Variants in ZNF462 observed in about 807,000 individuals in gnomAD.
The protein encoded by ZNF462 is zinc finger protein 462, also known as zinc finger PBX1-interacting protein.
In ZNF462, 10 loss-of-function variants were observed where a neutral mutation model predicts 201.9. That is an observed-to-expected ratio of 0.05 (90% CI 0.03 to 0.08). The LOEUF (loss-of-function observed/expected upper bound fraction) is 0.08. Ranked by LOEUF, ZNF462 falls within the 10% of genes least tolerant of loss-of-function variation. The pLI, the probability that ZNF462 is intolerant of heterozygous loss-of-function variation, is 1.00. For synonymous variants in ZNF462, 1,227 were observed against 1,193.3 expected, an observed-to-expected ratio of 1.03 and a Z score of -0.58; for missense variants, 2,523 against 3,168.3, an observed-to-expected ratio of 0.80 and a Z score of 4.89.
At chr9:106,939,223 A>G in intron 7 of ZNF462, 116 bp downstream of exon 7, 1 of 1,132,432 alleles carries the variant, frequency 8.8e-7, no homozygotes, top group Non-Finnish European at 1.2e-6. Context: ...GGTTCAAGTG[A>G]AGGAAGAAAT....
At chr9:106,909,550 T>A (rs1340849113) in intron 1 of ZNF462, among the ~76,000 whole-genome samples, 1 of 152,218 alleles carries the variant, frequency 6.6e-6, no homozygotes, top group African/African-American at 2.4e-5. Flanking sequence ...TGCTGCATTC[T>A]CTGACTATGC....
Position 106,929,149 on chromosome 9 carries a change from C to T in ZNF462, c.5237C>T (p.Pro1746Leu), listed in dbSNP as rs1341622137. Reference sequence around the variant, plus strand: ...GACAAGCCCAACAAAGTGATCATCCCATCCCCGCCCAAGGACGACTCCCCT... The same window carrying T: ...GACAAGCCCAACAAAGTGATCATCCTATCCCCGCCCAAGGACGACTCCCCT... ...ISDKPNKVII[P>L]SPPKDDSPQL... The change falls in exon 3 of 13, where the codon CCA becomes CTA. Residue 1746 changes from proline to leucine, a missense_variant. By Grantham distance (98) the Pro-to-Leu change is moderately conservative. Around this residue, in one of 15 missense-constraint regions of ZNF462, gnomAD observed 207 missense variants for 231.6 expected, o/e 0.89. Transcript: ENST00000277225. This position sits in a 1 kb window ranked among gnomAD's most constrained non-coding sequence, Gnocchi z 8.7. 1 of 1,614,032 alleles carries T rather than the reference C, an allele frequency of 6.2e-7. No individual in the cohort carries two copies. The highest frequency in any genetic ancestry group is 8.5e-7 in the Non-Finnish European group (1 of 1,180,036).
At chr9:106,998,470 A>G (rs1828912257) in intron 10 of ZNF462, among the ~76,000 whole-genome samples, 1 of 152,194 alleles carries the variant, frequency 6.6e-6, no homozygotes. Flanking sequence ...ATGGAAATAC[A>G]TGCTAAGACC....
chr9:107,008,644 C>T lies in ZNF462; in HGVS notation c.7190-901C>T, dbSNP rs1829730203. 1.3e-5 allele frequency among the ~76,000 whole-genome samples: 2 copies of T among 152,164 alleles called. No homozygotes were observed. The highest frequency in any genetic ancestry group is 1.5e-5 in the Non-Finnish European group (1 of 68,024). ...ATGAAACACATATGGGCTAGGAACTCGGGCTAACACAATGGCCATATAATC... is the reference window on the plus strand; with the variant it reads ...ATGAAACACATATGGGCTAGGAACTTGGGCTAACACAATGGCCATATAATC... On this transcript the variant is annotated intron_variant, in intron 11 of 12. Transcript: ENST00000277225. The surrounding 1 kb of genome is among the most constrained non-coding windows in gnomAD (Gnocchi z 4.8).
Position 106,927,359 on chromosome 9 carries a change from G to T in ZNF462, c.3447G>T (p.Gln1149His). The T allele has an allele frequency of 6.2e-7, 1 of 1,614,058 alleles. No individual in the cohort carries two copies. Reference protein sequence around the residue: ...EIKVTAKYIRQAPPTAAMMRG... With the variant: ...EIKVTAKYIRHAPPTAAMMRG... ...AGGTTACTGCCAAATATATCAGACA[G>T]GCTCCTCCCACAGCTGCAATGATGA... Residue 1149 changes from glutamine to histidine, a missense_variant, in exon 3 of 13, where the codon CAG (glutamine) becomes CAT (histidine). Around this residue, in one of 15 missense-constraint regions of ZNF462, gnomAD observed 222 missense variants for 271.6 expected, o/e 0.82. Coordinates refer to ENST00000277225, the MANE Select transcript of ZNF462 (RefSeq NM_021224.6).
At chr9:106,918,412 G>C (rs1250470410) in intron 1 of ZNF462, among the ~76,000 whole-genome samples, 4 of 152,094 alleles carry the variant, frequency 2.6e-5, no homozygotes, top group Admixed American at 2.6e-4. Context: ...ATTTGCATTT[G>C]TAGATTTGAT....
intron 1 of ZNF462, among the ~76,000 whole-genome samples, chr9:106,889,869 A>G (rs771364223): frequency 6.6e-6 from 1 of 151,772 alleles, no homozygotes; most frequent in Non-Finnish European, 1.5e-5. Context: ...CTGACGATCA[A>G]CTCCCCCAAA....
chr9:106,971,274 G>A (rs562577285), intron 7 of ZNF462, among the ~76,000 whole-genome samples: 14 of 150,724 alleles, frequency 9.3e-5, no homozygotes, highest in East Asian at 3.9e-4. Flanking sequence ...TTCCTTTCTC[G>A]TGTAGACGCC....
intron 10 of ZNF462, among the ~76,000 whole-genome samples, chr9:107,002,888 G>C (rs1184122236): frequency 2.0e-5 from 3 of 152,206 alleles, no homozygotes; most frequent in Non-Finnish European, 4.4e-5. Flanking sequence ...CGGCATGCTT[G>C]CAGAACTTCT....
At chr9:106,863,085 AGAGAGT>A (rs1483720439), upstream of ZNF462, 236 of 390,794 alleles carry the variant, frequency 6.0e-4, no homozygotes, top group South Asian at 1.3e-4. Context: ...GAGGGGAGAG[AGAGAGT>A]GAGAGGGAGA....
chr9:106,996,280 G>C (rs1233358480), intron 10 of ZNF462, among the ~76,000 whole-genome samples: 1 of 152,194 alleles, frequency 6.6e-6, no homozygotes, highest in Non-Finnish European at 1.5e-5. Context: ...AAACATACGT[G>C]TGCATGTGTC....
chr9:106,877,604 A>G (rs1827892011), intron 1 of ZNF462, among the ~76,000 whole-genome samples: 1 of 151,936 alleles, frequency 6.6e-6, no homozygotes, highest in African/African-American at 2.4e-5. Context: ...CTGGTCTTGA[A>G]CAGGAGTTCA....
intron 10 of ZNF462, among the ~76,000 whole-genome samples, chr9:106,997,287 A>G (rs971543414): frequency 2.0e-5 from 3 of 152,168 alleles, no homozygotes; most frequent in South Asian, 2.1e-4. Flanking sequence ...AAAATTAAAG[A>G]TAGAACTACC....
Position 106,924,114 on chromosome 9 carries a change from C to T in ZNF462, c.221-19C>T, listed in dbSNP as rs1205124867. On this transcript the variant is annotated intron_variant, in intron 2 of 12. Transcript: ENST00000277225. This position sits in a 1 kb window ranked among gnomAD's most constrained non-coding sequence, Gnocchi z 6.2. The stretch of plus-strand genomic sequence containing the variant: ...TAATTATCTTTTGCTTTGTCACTTT[C>T]CTTATGCTTTTTCTTTAGGTCAAAA... The T allele has an allele frequency of 4.5e-6, 7 of 1,567,946 alleles. No individual in the cohort carries two copies. The highest frequency in any genetic ancestry group is 1.7e-4 in the Middle Eastern group (1 of 5,866).
chr9:106,991,811 T>C (rs955512045), intron 10 of ZNF462, among the ~76,000 whole-genome samples: 2 of 149,212 alleles, frequency 1.3e-5, no homozygotes, highest in African/African-American at 2.5e-5. Context: ...GTATGCAGAT[T>C]ATGACCCTTG....
intron 7 of ZNF462, among the ~76,000 whole-genome samples, chr9:106,971,589 A>G (rs1466346131): frequency 6.6e-6 from 1 of 151,992 alleles, no homozygotes; most frequent in Non-Finnish European, 1.5e-5. Flanking sequence ...TAAAAAAAAA[A>G]AAAAAAGAAC....
In ZNF462 at chr9:106,941,703, C is replaced by T. The variant is rs1830877401; in HGVS notation, c.6427+2596C>T. On this transcript the variant is annotated intron_variant, in intron 7 of 12. Transcript: ENST00000277225. ...TTAGATGAGGTAAACAAAAAGAAGG[C>T]TATTCACATGAATGAATAATTCTGT... Among the ~76,000 whole-genome samples, 5 of 152,176 alleles carry T rather than the reference C, an allele frequency of 3.3e-5. No individual in the cohort carries two copies. In the South Asian group the frequency reaches 1.0e-3, roughly 32 times the overall value.
chr9:106,884,210 T>A (rs1828222603), intron 1 of ZNF462, among the ~76,000 whole-genome samples: 1 of 152,166 alleles, frequency 6.6e-6, no homozygotes, highest in South Asian at 2.1e-4. Flanking sequence ...GAGCCTAGAA[T>A]GTTTATTCTT....
In ZNF462 at chr9:106,974,039, C is replaced by A; in HGVS notation, c.6696-98C>A. On this transcript the variant is annotated intron_variant, in intron 8 of 12. Transcript: ENST00000277225. This position sits in a 1 kb window ranked among gnomAD's most constrained non-coding sequence, Gnocchi z 4.0. ...TTTTTAGCCCCACAAGCAGGAGAGC[C>A]GCACTTGGACATATATAACGGGTTT... 1 of 1,490,280 alleles carries A rather than the reference C, an allele frequency of 6.7e-7. No homozygotes were observed. The highest frequency in any genetic ancestry group is 9.2e-7 in the Non-Finnish European group (1 of 1,092,240). The allele number at this position is 1,490,280 out of a possible 1,614,324, so 92.3% of individuals were successfully genotyped here.
Sources: gnomAD v4.1 joint callset for allele counts (sites outside exome capture counted in the v4.1 genomes callset) on GRCh38, gnomAD v4.1.1 for gene constraint, gnomAD v4.1.1 regional missense constraint, Gnocchi (gnomAD v3.1) non-coding constraint, MANE v1.5 for transcripts, NCBI Gene and HGNC (gene_info 2026-07-23, HGNC 2026-07-21) for gene names.